Variants in TMEM132D observed in about 807,000 individuals in gnomAD.
The protein encoded by TMEM132D is transmembrane protein 132D, also known as mature OL transmembrane protein.
Under a neutral mutation model 62.3 loss-of-function variants are expected in TMEM132D, and 21 were observed. The observed-to-expected ratio is 0.34, with a 90% CI of 0.24 to 0.49. The LOEUF (loss-of-function observed/expected upper bound fraction) is 0.49, where lower values mean the gene tolerates loss of function less well. Ranked by LOEUF, TMEM132D falls within the 20% of genes least tolerant of loss-of-function variation. The pLI is 0.99. For missense variants in TMEM132D, 1,346 were observed against 1,402.8 expected (o/e 0.96, Z 0.65); for synonymous variants, 621 against 575.6 (o/e 1.08, Z -1.13).
At chr12:129,194,877 G>T (rs1878504324) in intron 5 of TMEM132D, among the ~76,000 whole-genome samples, 1 of 152,104 alleles carries the variant, frequency 6.6e-6, no homozygotes, top group African/African-American at 2.4e-5. Context: ...TCCTCTATGT[G>T]ACAACCAAGA....
intron 5 of TMEM132D, among the ~76,000 whole-genome samples, chr12:129,196,069 G>A (rs1878541223): frequency 6.6e-6 from 1 of 152,114 alleles, no homozygotes; most frequent in African/African-American, 2.4e-5. Context: ...GGAGGCTACA[G>A]TGAGCTGAGA....
intron 2 of TMEM132D, among the ~76,000 whole-genome samples, chr12:129,599,731 C>A: frequency 6.6e-6 from 1 of 152,116 alleles, no homozygotes; most frequent in East Asian, 1.9e-4. Context: ...TTTTTGGTTT[C>A]CCAGTGCATA....
At chr12:129,270,177 A>G (rs1019941395) in intron 4 of TMEM132D, among the ~76,000 whole-genome samples, 8 of 151,438 alleles carry the variant, frequency 5.3e-5, no homozygotes, top group Non-Finnish European at 1.0e-4. Flanking sequence ...TTCTTTTCTC[A>G]TTTTTCTTCT....
chr12:129,759,485 C>G (rs1870280854), intron 1 of TMEM132D, among the ~76,000 whole-genome samples: 1 of 152,168 alleles, frequency 6.6e-6, no homozygotes, highest in South Asian at 2.1e-4. Flanking sequence ...AGATCAGGCA[C>G]TTAGTCACCA....
intron 5 of TMEM132D, among the ~76,000 whole-genome samples, chr12:129,182,954 A>T (rs1878108903): frequency 6.6e-6 from 1 of 152,144 alleles, no homozygotes; most frequent in Non-Finnish European, 1.5e-5. Context: ...TGGTTAGGTT[A>T]CAACAGGTGT....
intron 2 of TMEM132D, among the ~76,000 whole-genome samples, chr12:129,657,497 C>G (rs968850052): frequency 3.3e-5 from 5 of 152,166 alleles, no homozygotes; most frequent in Non-Finnish European, 5.9e-5. Context: ...AGGAAATAAA[C>G]AAAGTCTCTA....
At chr12:129,721,695 A>C (rs571966559) in intron 1 of TMEM132D, among the ~76,000 whole-genome samples, 1 of 152,286 alleles carries the variant, frequency 6.6e-6, no homozygotes, top group Non-Finnish European at 1.5e-5. Flanking sequence ...GAGGCAGACA[A>C]GCAGAAGCTC....
intron 2 of TMEM132D, among the ~76,000 whole-genome samples, chr12:129,620,049 C>T (rs983783605): frequency 2.0e-5 from 3 of 152,166 alleles, no homozygotes; most frequent in African/African-American, 4.8e-5. Flanking sequence ...GTCCCTAAAC[C>T]TGCTCATCCT....
At chr12:129,487,936 C>CAAAAAAA (rs58079383) in intron 3 of TMEM132D, among the ~76,000 whole-genome samples, 2 of 54,690 alleles carry the variant, frequency 3.7e-5, no homozygotes, top group Non-Finnish European at 6.4e-5. Flanking sequence ...GACTCCATCT[C>CAAAAAAA]AAAAAAAAAA....
intron 5 of TMEM132D, among the ~76,000 whole-genome samples, chr12:129,202,065 C>T (rs1376530766): frequency 6.6e-6 from 1 of 152,022 alleles, no homozygotes; most frequent in Admixed American, 6.6e-5. Context: ...GAGAGCATGG[C>T]TTGACGCAAT....
rs774543582 is a variant in TMEM132D, at chr12:129,870,536, GGA to G, written c.79+32723_79+32724del. Among the ~76,000 whole-genome samples, 6 of 152,180 alleles carry G rather than the reference GGA, an allele frequency of 3.9e-5. No individual in the cohort carries two copies. In the South Asian group the frequency reaches 1.2e-3, roughly 32 times the overall value. The stretch of plus-strand genomic sequence containing the variant: ...GAGCATGATGCCCTGGATTCCATGA[GGA>G]GAGAGCGCAAAAGCTCGGCATCCCT... On this transcript the variant is annotated intron_variant, in intron 1 of 8. Transcript: ENST00000422113.
chr12:129,255,648 A>G (rs1880381180), intron 4 of TMEM132D, among the ~76,000 whole-genome samples: 1 of 152,200 alleles, frequency 6.6e-6, no homozygotes, highest in African/African-American at 2.4e-5. Flanking sequence ...TTATGACTTT[A>G]CGTGTCCTCA....
intron 2 of TMEM132D, among the ~76,000 whole-genome samples, chr12:129,645,416 G>C (rs558796864): frequency 1.8e-4 from 27 of 152,236 alleles, no homozygotes; most frequent in African/African-American, 6.5e-4. Context: ...GTTCGCTTGA[G>C]TCTTCATTTG....
At chr12:129,634,629 T>G (rs1353706978) in intron 2 of TMEM132D, among the ~76,000 whole-genome samples, 1 of 152,182 alleles carries the variant, frequency 6.6e-6, no homozygotes, top group Non-Finnish European at 1.5e-5. Context: ...AAATTATTCA[T>G]GTGATCAATC....
intron 2 of TMEM132D, among the ~76,000 whole-genome samples, chr12:129,639,128 A>G (rs935040633): frequency 6.6e-6 from 1 of 152,150 alleles, no homozygotes; most frequent in African/African-American, 2.4e-5. Flanking sequence ...CACACCTGTA[A>G]TCTCAGCACA....
In TMEM132D at chr12:129,268,961, T is replaced by A. The variant is rs574097122; in HGVS notation, c.1300-59298A>T. 9.4e-5 allele frequency among the ~76,000 whole-genome samples: 13 copies of A among 138,796 alleles called. No homozygotes were observed. In the South Asian group the frequency reaches 2.8e-3, roughly 29 times the overall value. 91.1% of individuals were successfully genotyped at this position (138,796 alleles called of 152,430 possible). A position where few individuals can be genotyped will look rare whatever the true frequency, so the allele number is the denominator to read the frequency against. On this transcript the variant is annotated intron_variant, in intron 4 of 8. Transcript: ENST00000422113. Reference sequence around the variant, plus strand: ...GCATGTTCTCACTCATAGGTGGGAATTGAACAGTGAGAACACATGGACATA... The same window carrying A: ...GCATGTTCTCACTCATAGGTGGGAAATGAACAGTGAGAACACATGGACATA...
At chr12:129,721,985 C>G (rs1868850518) in intron 1 of TMEM132D, among the ~76,000 whole-genome samples, 1 of 152,130 alleles carries the variant, frequency 6.6e-6, no homozygotes, top group East Asian at 1.9e-4. Context: ...AAATTTTAAT[C>G]CTGCAGCATG....
At chr12:129,661,174 C>T (rs934039457) in intron 2 of TMEM132D, among the ~76,000 whole-genome samples, 7 of 152,034 alleles carry the variant, frequency 4.6e-5, no homozygotes, top group Non-Finnish European at 7.4e-5. Context: ...CCTGGGCTAA[C>T]GGGACCTCCC....
intron 2 of TMEM132D, among the ~76,000 whole-genome samples, chr12:129,552,015 G>A (rs974371854): frequency 6.6e-6 from 1 of 152,184 alleles, no homozygotes; most frequent in African/African-American, 2.4e-5. Flanking sequence ...CATAGGCGAG[G>A]GAAGGGTCTC....
Sources: gnomAD v4.1 joint callset for allele counts (sites outside exome capture counted in the v4.1 genomes callset) on GRCh38, gnomAD v4.1.1 for gene constraint, MANE v1.5 for transcripts, NCBI Gene and HGNC (gene_info 2026-07-23, HGNC 2026-07-21) for gene names.